The following NALF1 variants were observed in gnomAD, a reference collection of about 807,000 sequenced individuals.
The protein encoded by NALF1 is NALCN channel auxiliary factor 1.
Under a neutral mutation model 48.4 loss-of-function variants are expected in NALF1, and 3 were observed. The ratio of observed to expected loss-of-function variants is 0.06; its 90% CI spans 0.03 to 0.16. The LOEUF (loss-of-function observed/expected upper bound fraction) is 0.16. NALF1 is among the 10% of genes least tolerant of loss of function. The pLI, the probability that NALF1 is intolerant of heterozygous loss-of-function variation, is 1.00. For synonymous variants in NALF1, 262 were observed against 245.7 expected (o/e 1.07, Z -0.62); for missense variants, 526 against 571.5 (o/e 0.92, Z 0.81).
At chr13:107,685,559 CAT>C (rs71694907) in intron 1 of NALF1, among the ~76,000 whole-genome samples, 2,048 of 151,826 alleles carry the variant, frequency 0.013, 37 homozygotes, top group African/African-American at 0.039. Flanking sequence ...TATAGAAAAA[CAT>C]ATGTTGGAAT....
At chr13:107,620,019 T>C (rs1409817966) in intron 1 of NALF1, among the ~76,000 whole-genome samples, 1 of 152,238 alleles carries the variant, frequency 6.6e-6, no homozygotes, top group Non-Finnish European at 1.5e-5. Context: ...TTATGTAATC[T>C]GTCACATATT....
intron 1 of NALF1, among the ~76,000 whole-genome samples, chr13:107,226,720 G>T (rs1321423161): frequency 6.6e-6 from 1 of 152,146 alleles, no homozygotes; most frequent in Non-Finnish European, 1.5e-5. Flanking sequence ...AACTACTGAT[G>T]CTGGCATAGC....
At chr13:107,718,129 CAT>C (rs1875876538) in intron 1 of NALF1, among the ~76,000 whole-genome samples, 1 of 152,200 alleles carries the variant, frequency 6.6e-6, no homozygotes, top group South Asian at 2.1e-4. Context: ...CTGCTGTAAA[CAT>C]GTGTCCTTGA....
intron 1 of NALF1, among the ~76,000 whole-genome samples, chr13:107,580,621 A>C (rs1594140648): frequency 6.6e-6 from 1 of 152,252 alleles, no homozygotes; most frequent in Non-Finnish European, 1.5e-5. Flanking sequence ...TAAGACTCTC[A>C]GTTTTATGAA....
chr13:107,534,517 T>C (rs2139111627), intron 1 of NALF1, among the ~76,000 whole-genome samples: 1 of 152,308 alleles, frequency 6.6e-6, no homozygotes, highest in East Asian at 1.9e-4. Context: ...ATGTGCAGGT[T>C]TATTACATAG....
At chr13:107,781,342 A>G (rs975533192) in intron 1 of NALF1, among the ~76,000 whole-genome samples, 3 of 152,182 alleles carry the variant, frequency 2.0e-5, no homozygotes, top group African/African-American at 7.2e-5. Context: ...GTATTACATA[A>G]ACCTTAAGAG....
intron 1 of NALF1, among the ~76,000 whole-genome samples, chr13:107,334,709 G>A (rs1194979032): frequency 1.3e-5 from 2 of 152,122 alleles, no homozygotes; most frequent in Non-Finnish European, 2.9e-5. Context: ...TACATTTAAA[G>A]CTAAGATTTT....
intron 1 of NALF1, among the ~76,000 whole-genome samples, chr13:107,479,602 A>C (rs1231177777): frequency 6.6e-6 from 1 of 151,950 alleles, no homozygotes; most frequent in Non-Finnish European, 1.5e-5. Context: ...AAACAATTAA[A>C]GTACTAGATG....
At chr13:107,318,563 G>A (rs900899710) in intron 1 of NALF1, among the ~76,000 whole-genome samples, 23 of 152,190 alleles carry the variant, frequency 1.5e-4, no homozygotes, top group Non-Finnish European at 1.3e-4. Context: ...TACTTTGAGC[G>A]GAAGGAGAGG....
At chr13:107,234,665 C>T (rs1251350612) in intron 1 of NALF1, among the ~76,000 whole-genome samples, 1 of 151,688 alleles carries the variant, frequency 6.6e-6, no homozygotes, top group Non-Finnish European at 1.5e-5. Context: ...TGGCAAGTGA[C>T]GTCCCCCAAG....
At chr13:107,580,495 C>T (rs1212561553) in intron 1 of NALF1, among the ~76,000 whole-genome samples, 1 of 152,110 alleles carries the variant, frequency 6.6e-6, no homozygotes, top group African/African-American at 2.4e-5. Context: ...GCTGACGGTT[C>T]AAAAGTAGCA....
At chr13:107,605,550 C>T (rs9555387) in intron 1 of NALF1, among the ~76,000 whole-genome samples, 2 of 151,752 alleles carry the variant, frequency 1.3e-5, no homozygotes, top group South Asian at 2.1e-4. Flanking sequence ...ATGGGTATCA[C>T]TTATGGGTTT....
intron 1 of NALF1, among the ~76,000 whole-genome samples, chr13:107,558,655 T>G (rs1046608999): frequency 6.6e-6 from 1 of 152,162 alleles, no homozygotes; most frequent in Admixed American, 6.5e-5. Context: ...AAATTTTATG[T>G]GTCCATTTGA....
At chr13:107,196,273 A>C (rs1340338625) in intron 2 of NALF1, among the ~76,000 whole-genome samples, 3 of 152,208 alleles carry the variant, frequency 2.0e-5, no homozygotes, top group Non-Finnish European at 4.4e-5. Flanking sequence ...TATATAACAA[A>C]CCCATGCATG....
At chr13:107,712,054 G>T (rs764891217) in intron 1 of NALF1, among the ~76,000 whole-genome samples, 1 of 151,772 alleles carries the variant, frequency 6.6e-6, no homozygotes, top group African/African-American at 2.4e-5. Flanking sequence ...ATAAAACCAT[G>T]ATTATATCAA....
intron 1 of NALF1, among the ~76,000 whole-genome samples, chr13:107,646,062 C>T (rs886433008): frequency 6.6e-6 from 1 of 152,102 alleles, no homozygotes; most frequent in Admixed American, 6.6e-5. Context: ...CAAAAACGGG[C>T]TTCCCTGCTC....
intron 1 of NALF1, among the ~76,000 whole-genome samples, chr13:107,546,576 G>A (rs1231103796): frequency 1.3e-5 from 2 of 152,008 alleles, no homozygotes; most frequent in African/African-American, 4.8e-5. Flanking sequence ...CTGAACCATT[G>A]CTAATACAAA....
intron 1 of NALF1, among the ~76,000 whole-genome samples, chr13:107,612,090 AGAGGGGAGGGGGAGGGAG>A (rs1879241620): frequency 7.1e-5 from 3 of 42,370 alleles, no homozygotes; most frequent in Admixed American, 3.4e-4. Flanking sequence ...TGGGGGGGAG[AGAGGGGAGGGGGAGGGAG>A]GAAGGGGAGG....
intron 1 of NALF1, among the ~76,000 whole-genome samples, chr13:107,493,842 A>C (rs1875234086): frequency 6.6e-6 from 1 of 152,150 alleles, no homozygotes; most frequent in African/African-American, 2.4e-5. Context: ...ATGAACTATA[A>C]TTGCACCATT....
Sources: allele counts gnomAD v4.1 joint callset (sites outside exome capture counted in the v4.1 genomes callset), GRCh38; gene constraint gnomAD v4.1.1; transcripts MANE v1.5; gene names NCBI Gene and HGNC (gene_info 2026-07-23, HGNC 2026-07-21).